OSTM1: variants seen among roughly 807,000 people sequenced by gnomAD.
OSTM1 encodes osteoclastogenesis associated transmembrane protein 1.
In OSTM1, 26 loss-of-function variants were observed where a neutral mutation model predicts 35.4. The ratio of observed to expected loss-of-function variants is 0.73; its 90% CI spans 0.54 to 1.02. The LOEUF (loss-of-function observed/expected upper bound fraction) is 1.02. Among genes scored for constraint, OSTM1 ranks in the 50% least tolerant of loss-of-function variants. The pLI is 0.00. For synonymous variants in OSTM1, 181 were observed against 165.0 expected, an observed-to-expected ratio of 1.10 and a Z score of -0.75; for missense variants, 366 against 409.6, an observed-to-expected ratio of 0.89 and a Z score of 0.92.
chr6:108,047,682 T>C (rs750462979), intron 5 of OSTM1, among the ~76,000 whole-genome samples: 23 of 152,072 alleles, frequency 1.5e-4, no homozygotes, highest in Non-Finnish European at 3.1e-4. Flanking sequence ...TAAGCAGAAC[T>C]GGCAGCATAC....
chr6:108,074,620 C>T lies in OSTM1; in HGVS notation c.32G>A (p.Arg11Lys). The stretch of plus-strand genomic sequence containing the variant: ...CGGCAGCCACGGCGGCAACGAACAC[C>T]TCCGCTGCGCGGCTGTCGGGCCCGG... MEPGPTAAQRRCSLPPWLPLG... is the reference protein window; with the variant it reads MEPGPTAAQRKCSLPPWLPLG... The change falls in exon 1 of 6, where the codon AGG (arginine) becomes AAG (lysine). Residue 11 changes from arginine (R) to lysine (K), a missense_variant. This residue lies in a region of OSTM1 where 236 missense variants were observed against 239.3 expected (regional missense o/e 0.99). Transcript: ENST00000193322. 6.4e-7 allele frequency: 1 copy of T among 1,562,802 alleles called. No homozygotes were observed. Among genetic ancestry groups the T allele is most frequent in the South Asian group, 1.2e-5 (1 of 86,390 alleles).
chr6:108,044,757 G>C lies in OSTM1; in HGVS notation c.*28C>G. On this transcript the variant is annotated 3_prime_UTR_variant, in exon 6 of 6. Coordinates refer to ENST00000193322, the MANE Select transcript of OSTM1 (RefSeq NM_014028.4). ...TGTGTCTTCCACCATTCATTCACGT[G>C]ATATGTCAATTCTCCATTTTGTAGG... 1 of 1,344,824 alleles carries C rather than the reference G, an allele frequency of 7.4e-7. No homozygotes were observed. Among genetic ancestry groups the C allele is most frequent in the Non-Finnish European group, 1.1e-6 (1 of 942,778 alleles). The allele number at this position is 1,344,824 out of a possible 1,614,324, so 83.3% of individuals were successfully genotyped here. A position where few individuals can be genotyped will look rare whatever the true frequency, so the allele number is the denominator to read the frequency against.
chr6:108,066,924 G>A (rs9400191), intron 1 of OSTM1, among the ~76,000 whole-genome samples: 41,712 of 151,824 alleles, frequency 0.27, 6,084 homozygotes, highest in Admixed American at 0.45. Context: ...AATGGTCCTT[G>A]CTTATACTTA....
intron 1 of OSTM1, among the ~76,000 whole-genome samples, chr6:108,073,259 C>A (rs115244752): frequency 6.6e-6 from 1 of 152,322 alleles, no homozygotes; most frequent in African/African-American, 2.4e-5. Flanking sequence ...TTGCTGTCCC[C>A]GTAATACAAG....
chr6:108,057,273 G>A (rs531454096), intron 2 of OSTM1, among the ~76,000 whole-genome samples: 7 of 152,052 alleles, frequency 4.6e-5, no homozygotes, highest in Non-Finnish European at 8.8e-5. Context: ...GAAGTAGCCC[G>A]CAATCCTTTT....
intron 5 of OSTM1, among the ~76,000 whole-genome samples, chr6:108,046,683 A>G (rs1255065574): frequency 6.6e-6 from 1 of 152,214 alleles, no homozygotes; most frequent in African/African-American, 2.4e-5. Context: ...GAAAATCACA[A>G]CATGACTTCC....
Position 108,051,037 on chromosome 6 carries a change from T to C in OSTM1, c.777A>G (p.Glu259=). 1 of 1,611,722 alleles carries C rather than the reference T, an allele frequency of 6.2e-7. No individual in the cohort carries two copies. Among genetic ancestry groups the C allele is most frequent in the Non-Finnish European group, 8.5e-7 (1 of 1,178,000 alleles). ...EPGTHLCIDV[E]DAMNITRKLW... ...TCAGAAGCAAAGTACTTACTGCATC[T>C]TCCACATCAATGCATAAATGTGTTC... Residue 259 remains glutamate (E), a synonymous_variant, in exon 4 of 6, where the codon GAA becomes GAG. Transcript: ENST00000193322.
chr6:108,064,255 T>G lies in OSTM1; in HGVS notation c.447A>C (p.Ala149=). 10 of 1,605,494 alleles carry G rather than the reference T, an allele frequency of 6.2e-6. No homozygotes were observed. Among genetic ancestry groups the G allele is most frequent in the Non-Finnish European group, 7.7e-6 (9 of 1,174,558 alleles). Residue 149 remains alanine, a synonymous_variant, in exon 2 of 6, where the codon GCA becomes GCC. Transcript: ENST00000193322. ...GAATCACAACTATTTGCATTCTATC[T>G]GCCATTAAGAGACTTCTGGCACAAC... is the stretch of plus-strand genomic sequence containing the variant. ...SQSCARSLLM[A]DRMQIVVILS...
At chr6:108,073,909 T>G in intron 1 of OSTM1, 1 of 357,958 alleles carries the variant, frequency 2.8e-6, no homozygotes, top group Non-Finnish European at 5.2e-6. Flanking sequence ...CCCCACTTGT[T>G]TCAGAAAAGG....
chr6:108,065,274 C>CT lies in OSTM1; in HGVS notation c.403-976dup, dbSNP rs201736549. 9.0e-3 allele frequency among the ~76,000 whole-genome samples: 1,327 copies of CT among 147,186 alleles called. 16 individuals carry two copies. Among genetic ancestry groups the CT allele is most frequent in the African/African-American group, 0.032 (1,260 of 39,502 alleles). The stretch of plus-strand genomic sequence containing the variant: ...TTTTTTTTTGAGATGGAGTCTCACT[C>CT]TATCGCCCAGGCTGGAGTGCAGTGA... On this transcript the variant is annotated intron_variant, in intron 1 of 5. Coordinates refer to ENST00000193322, the MANE Select transcript of OSTM1 (RefSeq NM_014028.4).
rs567614808 is a variant in OSTM1, at chr6:108,046,508, A to ATT, written c.950-1670_950-1669dup. ...AGGCGTCTGCCACCACGCCCGGCTA[A>ATT]TTTTTTTTTTGTATTTTTAGTAGAG... On this transcript the variant is annotated intron_variant, in intron 5 of 5. Coordinates refer to ENST00000193322, the MANE Select transcript of OSTM1 (RefSeq NM_014028.4). Among the ~76,000 whole-genome samples the ATT allele has an allele frequency of 6.2e-4, 72 of 117,046 alleles. 1 individual carries two copies. Among genetic ancestry groups the ATT allele is most frequent in the Middle Eastern group, 4.7e-3 (1 of 214 alleles). 76.8% of individuals were successfully genotyped at this position (117,046 alleles called of 152,430 possible).
chr6:108,049,624 C>T (rs1429039046), intron 4 of OSTM1: 3 of 1,242,486 alleles, frequency 2.4e-6, no homozygotes, highest in Non-Finnish European at 3.2e-6. Context: ...TATATCCATA[C>T]AGAAATTTCA....
chr6:108,061,507 T>A (rs1161921682), intron 2 of OSTM1, among the ~76,000 whole-genome samples: 2 of 150,454 alleles, frequency 1.3e-5, no homozygotes, highest in African/African-American at 2.4e-5. Flanking sequence ...GCTTAGAAAG[T>A]GCTAGGTTAA....
intron 2 of OSTM1, among the ~76,000 whole-genome samples, chr6:108,057,418 A>C (rs964966461): frequency 6.6e-6 from 1 of 152,220 alleles, no homozygotes; most frequent in Admixed American, 6.5e-5. Flanking sequence ...CATTCACAAC[A>C]GTTGTACATC....
intron 1 of OSTM1, among the ~76,000 whole-genome samples, chr6:108,072,902 C>T (rs1042162119): frequency 2.0e-5 from 3 of 152,078 alleles, no homozygotes; most frequent in South Asian, 4.1e-4. Context: ...GAACTACAGA[C>T]GTGTACCGCA....
Position 108,049,257 on chromosome 6 carries a change from A to C in OSTM1, c.945T>G (p.Ile315Met). 1 of 1,607,510 alleles carries C rather than the reference A, an allele frequency of 6.2e-7. No individual in the cohort carries two copies. The highest frequency in any genetic ancestry group is 8.5e-7 in the Non-Finnish European group (1 of 1,174,526). The change falls in exon 5 of 6, where the codon ATT becomes ATG. Residue 315 changes from isoleucine (I) to methionine (M), a missense_variant. Ile to Met is a conservative substitution (Grantham distance 10). Transcript: ENST00000193322. ...AAATAATTGTAAAAAACTTACGCAGAATGAGTTTGCGTTTCTTTTGCTCTG... is the reference window on the plus strand; with the variant it reads ...AAATAATTGTAAAAAACTTACGCAGCATGAGTTTGCGTTTCTTTTGCTCTG... Reference protein sequence around the residue: ...LHSEQKKRKLILPKRLKSSTS... With the variant: ...LHSEQKKRKLMLPKRLKSSTS...
intron 2 of OSTM1, among the ~76,000 whole-genome samples, chr6:108,059,863 T>G (rs1488492002): frequency 6.6e-6 from 1 of 152,208 alleles, no homozygotes; most frequent in Non-Finnish European, 1.5e-5. Flanking sequence ...GATGATAATT[T>G]TTAATGCGTA....
intron 2 of OSTM1, among the ~76,000 whole-genome samples, chr6:108,063,914 G>C (rs1473715754): frequency 6.6e-6 from 1 of 152,112 alleles, no homozygotes; most frequent in African/African-American, 2.4e-5. Flanking sequence ...TCCCATATCT[G>C]ACAGCTAGTA....
At chr6:108,074,101 C>T in intron 1 of OSTM1, 149 bp downstream of exon 1, 1 of 765,742 alleles carries the variant, frequency 1.3e-6, no homozygotes, top group South Asian at 1.8e-5. Context: ...ATGCCACCCC[C>T]TTTTTCTGAT....
Sources: gnomAD v4.1 joint callset for allele counts (sites outside exome capture counted in the v4.1 genomes callset) on GRCh38, gnomAD v4.1.1 for gene constraint, gnomAD v4.1.1 regional missense constraint, MANE v1.5 for transcripts, NCBI Gene and HGNC (gene_info 2026-07-23, HGNC 2026-07-21) for gene names.